AKAP13: variants seen among roughly 807,000 people sequenced by gnomAD.
AKAP13 encodes the protein A-kinase anchor protein 13.
A neutral mutation model predicts 264.5 loss-of-function variants in AKAP13; 80 were observed. The observed-to-expected ratio is 0.30, with a 90% CI of 0.25 to 0.36. The LOEUF (loss-of-function observed/expected upper bound fraction) is 0.36, where lower values mean the gene tolerates loss of function less well. AKAP13 is among the 10% of genes least tolerant of loss of function. The probability of loss-of-function intolerance (pLI) is 1.00; values close to 1 mark genes in which losing one functional copy is unlikely to be tolerated. For synonymous variants in AKAP13, 1,380 were observed against 1,250.2 expected (o/e 1.10, Z -2.19); for missense variants, 3,712 against 3,435.2 (o/e 1.08, Z -2.01).
chr15:85,675,828 CATTG>C (rs1182305813), intron 14 of AKAP13, among the ~76,000 whole-genome samples: 1 of 152,098 alleles, frequency 6.6e-6, no homozygotes, highest in Non-Finnish European at 1.5e-5. Context: ...GAATCATTTA[CATTG>C]ATTAAGTTGG....
chr15:85,561,326 G>A (rs979295136), intron 5 of AKAP13, among the ~76,000 whole-genome samples: 10 of 152,258 alleles, frequency 6.6e-5, no homozygotes, highest in African/African-American at 2.4e-4. Context: ...CCAAAGTGCT[G>A]GGATTACAGG....
chr15:85,555,291 G>A (rs1367072486), intron 5 of AKAP13: 1 of 230,108 alleles, frequency 4.3e-6, no homozygotes. Context: ...CTATTATGGT[G>A]ATGTGGTTTT....
intron 5 of AKAP13, 195 bp downstream of exon 5, chr15:85,544,150 C>T (rs1567116276): frequency 4.2e-6 from 3 of 719,334 alleles, no homozygotes; most frequent in East Asian, 2.8e-5. Context: ...AAACGTAAGT[C>T]GTGTTAACCA....
rs773396099 is a variant in AKAP13 at position 85,629,764 on chromosome 15, C to CTTTTTTTTTTTTTTTTTT, written c.4162-9594_4162-9577dup. ...GAAATATAATGAGTTCCTTTACAGC[C>CTTTTTTTTTTTTTTTTTT]TTTTTTTTTTTTTTTTTTTTTTTTT... On this transcript the variant is annotated intron_variant, in intron 8 of 36. Coordinates refer to ENST00000394518, the MANE Select transcript of AKAP13 (RefSeq NM_007200.5). 3.0e-4 allele frequency among the ~76,000 whole-genome samples: 15 copies of CTTTTTTTTTTTTTTTTTT among 50,524 alleles called. 1 individual carries two copies. The highest frequency in any genetic ancestry group is 4.1e-4 in the Non-Finnish European group (11 of 26,950). 33.1% of individuals were successfully genotyped at this position (50,524 alleles called of 152,430 possible).
At chr15:85,508,117 C>T (rs2076295823) in intron 2 of AKAP13, among the ~76,000 whole-genome samples, 1 of 151,600 alleles carries the variant, frequency 6.6e-6, no homozygotes, top group Non-Finnish European at 1.5e-5. Context: ...GATGGAGCCT[C>T]TCTTTTCCTC....
intron 2 of AKAP13, among the ~76,000 whole-genome samples, chr15:85,486,617 A>G (rs1284803473): frequency 6.7e-6 from 1 of 150,148 alleles, no homozygotes; most frequent in Non-Finnish European, 1.5e-5. Flanking sequence ...GTTGTTTTTG[A>G]TTTCTTTCAA....
chr15:85,656,412 T>C (rs1279039780), intron 11 of AKAP13, among the ~76,000 whole-genome samples: 3 of 152,204 alleles, frequency 2.0e-5, no homozygotes, highest in Non-Finnish European at 4.4e-5. Context: ...GTCCTTCAAT[T>C]TGGAAGCAGG....
chr15:85,546,859 T>C (rs2077766838), intron 5 of AKAP13, among the ~76,000 whole-genome samples: 1 of 151,956 alleles, frequency 6.6e-6, no homozygotes, highest in Admixed American at 6.6e-5. Flanking sequence ...TTCTTCTGCC[T>C]CAGCCTCCTG....
chr15:85,446,435 C>T (rs944435786), intron 1 of AKAP13, among the ~76,000 whole-genome samples: 11 of 152,126 alleles, frequency 7.2e-5, no homozygotes, highest in African/African-American at 2.7e-4. Flanking sequence ...TAAAGGACAA[C>T]GAATGAGCAT....
At chr15:85,693,485 A>G (rs780136003) in intron 17 of AKAP13, 34 bp downstream of exon 17, 1 of 1,606,168 alleles carries the variant, frequency 6.2e-7, no homozygotes, top group Middle Eastern at 1.7e-4. Flanking sequence ...CGTAAGATGG[A>G]ACTCTCTTGG....
chr15:85,604,892 A>G (rs892417868), intron 8 of AKAP13, among the ~76,000 whole-genome samples: 3 of 152,198 alleles, frequency 2.0e-5, no homozygotes, highest in Non-Finnish European at 2.9e-5. Flanking sequence ...TTAACAATAA[A>G]CCATATGCTA....
intron 5 of AKAP13, among the ~76,000 whole-genome samples, chr15:85,565,715 A>G (rs1431505899): frequency 6.6e-6 from 1 of 152,216 alleles, no homozygotes; most frequent in Non-Finnish European, 1.5e-5. Context: ...AGATACACCT[A>G]GGATTCTAGG....
At chr15:85,590,149 A>G (rs138463673) in intron 8 of AKAP13, among the ~76,000 whole-genome samples, 80 of 152,200 alleles carry the variant, frequency 5.3e-4, no homozygotes, top group African/African-American at 1.8e-3. Context: ...GCTTCATTGA[A>G]TCATTGAATC....
At chr15:85,495,971 G>T (rs1406260220) in intron 2 of AKAP13, among the ~76,000 whole-genome samples, 1 of 152,146 alleles carries the variant, frequency 6.6e-6, no homozygotes, top group Non-Finnish European at 1.5e-5. Flanking sequence ...TTAGAATAGG[G>T]ACCGTTCCTT....
At chr15:85,676,054 G>A (rs2084210771) in intron 14 of AKAP13, among the ~76,000 whole-genome samples, 1 of 152,122 alleles carries the variant, frequency 6.6e-6, no homozygotes, top group Admixed American at 6.5e-5. Context: ...TGGGATTACA[G>A]GTGCCCACCA....
intron 1 of AKAP13, among the ~76,000 whole-genome samples, chr15:85,435,265 A>G (rs1277178124): frequency 6.8e-6 from 1 of 147,950 alleles, no homozygotes; most frequent in Non-Finnish European, 1.5e-5. Flanking sequence ...AAGTTTAGAG[A>G]AAAAAGAATA....
chr15:85,504,015 G>A (rs930280185), intron 2 of AKAP13, among the ~76,000 whole-genome samples: 2 of 152,158 alleles, frequency 1.3e-5, no homozygotes, highest in Admixed American at 6.5e-5. Context: ...TATCAGGAGA[G>A]TAGCTTGATC....
chr15:85,732,474 T>A (rs2088119373), intron 30 of AKAP13, among the ~76,000 whole-genome samples: 1 of 149,758 alleles, frequency 6.7e-6, no homozygotes, highest in Non-Finnish European at 1.5e-5. Context: ...TAACATTATA[T>A]GTTTTACATC....
chr15:85,704,063 ATCCTTAAAGGTAAT>A (rs2086092560), intron 17 of AKAP13, among the ~76,000 whole-genome samples: 1 of 152,152 alleles, frequency 6.6e-6, no homozygotes, highest in Non-Finnish European at 1.5e-5. Context: ...GTGCATTTCT[ATCCTTAAAGGTAAT>A]TCCTCAACTT....
Sources: gnomAD v4.1 joint callset for allele counts (sites outside exome capture counted in the v4.1 genomes callset) on GRCh38, gnomAD v4.1.1 for gene constraint, MANE v1.5 for transcripts, NCBI Gene and HGNC (gene_info 2026-07-23, HGNC 2026-07-21) for gene names.